The following ERCC8 variants were observed in gnomAD, a reference collection of about 807,000 sequenced individuals.
The protein encoded by ERCC8 is DNA excision repair protein ERCC-8.
Under a neutral mutation model 54.9 loss-of-function variants are expected in ERCC8, and 52 were observed. The ratio of observed to expected loss-of-function variants is 0.95; its 90% CI spans 0.76 to 1.19. The LOEUF is 1.19. ERCC8 is among the 50% of genes most tolerant of loss of function. The pLI is 0.00. For missense variants in ERCC8, 514 were observed against 466.1 expected, an observed-to-expected ratio of 1.10 and a Z score of -0.95; for synonymous variants, 146 against 157.2, an observed-to-expected ratio of 0.93 and a Z score of 0.53.
intron 2 of ERCC8, among the ~76,000 whole-genome samples, chr5:60,922,952 A>G (rs1049667135): frequency 5.3e-5 from 8 of 152,144 alleles, no homozygotes; most frequent in African/African-American, 1.4e-4. Flanking sequence ...TTAAGCTGGT[A>G]TGTGAAGGAT....
intron 1 of ERCC8, among the ~76,000 whole-genome samples, chr5:60,940,359 C>T (rs1410630649): frequency 2.0e-5 from 3 of 152,196 alleles, no homozygotes; most frequent in African/African-American, 2.4e-5. Context: ...CATCAGAGTC[C>T]CGATCCCAAG....
rs527817063 is a variant in ERCC8 at position 60,896,294 on chromosome 5, G to A, written c.843+1982C>T. Among the ~76,000 whole-genome samples, 9 of 152,272 alleles carry A rather than the reference G, an allele frequency of 5.9e-5. No individual in the cohort carries two copies. In the South Asian group the frequency reaches 1.4e-3, roughly 25 times the overall value. ...TGCAATGGCGCGATCTCGGCTCACC[G>A]CAACCTCCACCTCCCGGGTTCAAGC... On this transcript the variant is annotated intron_variant, in intron 9 of 11. Transcript: ENST00000676185.
intron 10 of ERCC8, among the ~76,000 whole-genome samples, chr5:60,890,197 T>C (rs1436239868): frequency 1.3e-5 from 2 of 152,218 alleles, no homozygotes; most frequent in South Asian, 4.1e-4. Flanking sequence ...TTCAAAGTGA[T>C]AGTCTCCTTG....
chr5:60,879,266 GC>G (rs1748123496), intron 11 of ERCC8, among the ~76,000 whole-genome samples: 1 of 152,188 alleles, frequency 6.6e-6, no homozygotes, highest in South Asian at 2.1e-4. Context: ...TTTTACATTT[GC>G]TGAGGAGAGC....
At chr5:60,893,076 A>G in intron 9 of ERCC8, 1 of 777,172 alleles carries the variant, frequency 1.3e-6, no homozygotes. Flanking sequence ...GTCCAGGTCA[A>G]TCTTTTTCAA....
intron 1 of ERCC8, among the ~76,000 whole-genome samples, chr5:60,938,119 C>T: frequency 1.6e-5 from 2 of 128,610 alleles, no homozygotes; most frequent in African/African-American, 5.9e-5. Flanking sequence ...TACGAAGTTT[C>T]ATTGAATATA....
Position 60,874,651 on chromosome 5 carries a change from A to G in ERCC8, c.1155T>C (p.Phe385=), listed in dbSNP as rs1747943885. 1.2e-6 allele frequency: 2 copies of G among 1,613,028 alleles called. No homozygotes were observed. The highest frequency in any genetic ancestry group is 2.7e-5 in the African/African-American group (2 of 74,884). The change falls in exon 12 of 12, where the codon TTT becomes TTC. Residue 385 remains phenylalanine (F), a synonymous_variant. Transcript: ENST00000676185. Reference sequence around the variant, plus strand: ...CATCACTGCTGCTCCAGGCATCTTCAAAGGCCGGATTTAATTGTGATTTTG... The same window carrying G: ...CATCACTGCTGCTCCAGGCATCTTCGAAGGCCGGATTTAATTGTGATTTTG... ...TTTKSQLNPA[F]EDAWSSSDEE...
At chr5:60,907,460 C>T (rs1043913297) in intron 4 of ERCC8, 2 of 149,758 alleles carry the variant, frequency 1.3e-5, no homozygotes, top group African/African-American at 4.9e-5. Flanking sequence ...TCAAGCGATT[C>T]TCCTGTGTCA....
At chr5:60,931,753 AT>A (rs1461447938) in intron 1 of ERCC8, among the ~76,000 whole-genome samples, 4 of 152,152 alleles carry the variant, frequency 2.6e-5, no homozygotes, top group African/African-American at 7.2e-5. Flanking sequence ...CATTTTTCAA[AT>A]TACAACAGAA....
At chr5:60,893,461 A>G (rs1168433035) in intron 9 of ERCC8, 3 of 959,712 alleles carry the variant, frequency 3.1e-6, no homozygotes, top group South Asian at 1.3e-5. Flanking sequence ...TGGAGTGAAC[A>G]AACTGAGGAG....
intron 5 of ERCC8, 133 bp downstream of exon 5, chr5:60,904,659 T>G: frequency 7.2e-6 from 1 of 138,952 alleles, no homozygotes; most frequent in South Asian, 2.5e-4. Context: ...TATATATATA[T>G]ATATATATAT....
intron 11 of ERCC8, among the ~76,000 whole-genome samples, chr5:60,877,015 T>C (rs1348352132): frequency 6.6e-6 from 1 of 152,240 alleles, no homozygotes; most frequent in Non-Finnish European, 1.5e-5. Flanking sequence ...TGGTTTTAGG[T>C]CTAACATTTA....
At position 60,928,748 on chromosome 5, in the gene ERCC8, A is replaced by G. The variant is rs998473561; in HGVS notation, c.173+116T>C. On this transcript the variant is annotated intron_variant, in intron 2 of 11. Coordinates refer to ENST00000676185, the MANE Select transcript of ERCC8 (RefSeq NM_000082.4). ...TAATAATGCCAGATTCAAAAATGCT[A>G]CAATTTAGGATTTTCATTAATTTTA... The G allele has an allele frequency of 1.1e-5, 7 of 632,768 alleles. No homozygotes were observed. In the African/African-American group the frequency reaches 1.3e-4, roughly 12 times the overall value. 39.2% of individuals were successfully genotyped at this position (632,768 alleles called of 1,614,324 possible). A position where few individuals can be genotyped will look rare whatever the true frequency, so the allele number is the denominator to read the frequency against.
At chr5:60,944,543 C>G (rs1001523006) in intron 1 of ERCC8, among the ~76,000 whole-genome samples, 2 of 152,196 alleles carry the variant, frequency 1.3e-5, no homozygotes, top group Non-Finnish European at 2.9e-5. Flanking sequence ...CTTTAATAGG[C>G]TGCCTGGCAC....
chr5:60,886,751 AAG>A (rs1748405859), intron 11 of ERCC8, among the ~76,000 whole-genome samples: 1 of 134,790 alleles, frequency 7.4e-6, no homozygotes, highest in African/African-American at 3.4e-5. Context: ...AAAATAGAAA[AAG>A]AAAAGAAAAG....
intron 11 of ERCC8, among the ~76,000 whole-genome samples, chr5:60,875,920 G>A (rs1207732593): frequency 6.6e-6 from 1 of 151,252 alleles, no homozygotes; most frequent in Non-Finnish European, 1.5e-5. Context: ...GTAAGTTTTA[G>A]GGTACATGTG....
At chr5:60,905,786 C>T (rs1392628239) in intron 4 of ERCC8, among the ~76,000 whole-genome samples, 2 of 152,072 alleles carry the variant, frequency 1.3e-5, no homozygotes, top group Admixed American at 6.5e-5. Flanking sequence ...AGGCCAAGTG[C>T]GAGATGGGAT....
chr5:60,909,243 G>GAAAAAAAAAAAA (rs60064294), intron 4 of ERCC8, among the ~76,000 whole-genome samples: 4 of 19,950 alleles, frequency 2.0e-4, no homozygotes, highest in African/African-American at 3.4e-4. Context: ...GCCCTATTCT[G>GAAAAAAAAAAAA]AAAAAAAAAA....
At chr5:60,936,377 T>C (rs1750066988) in intron 1 of ERCC8, among the ~76,000 whole-genome samples, 2 of 152,172 alleles carry the variant, frequency 1.3e-5, no homozygotes, top group South Asian at 4.1e-4. Flanking sequence ...CCCATTTTGT[T>C]TCTAATTGAA....
Sources: gnomAD v4.1 joint callset for allele counts (sites outside exome capture counted in the v4.1 genomes callset) on GRCh38, gnomAD v4.1.1 for gene constraint, MANE v1.5 for transcripts, NCBI Gene and HGNC (gene_info 2026-07-23, HGNC 2026-07-21) for gene names.